The following LRRC4C variants were observed in gnomAD, a reference collection of about 807,000 sequenced individuals.
LRRC4C encodes the protein leucine rich repeat containing 4C.
Under a neutral mutation model 33.6 loss-of-function variants are expected in LRRC4C, and 5 were observed. The observed-to-expected ratio is 0.15, with a 90% CI of 0.08 to 0.31. The LOEUF (loss-of-function observed/expected upper bound fraction) is 0.31. Among genes scored for constraint, LRRC4C ranks in the 10% least tolerant of loss-of-function variants. The pLI is 1.00. For synonymous variants in LRRC4C, 329 were observed against 302.0 expected (o/e 1.09, Z -0.93); for missense variants, 560 against 796.7 (o/e 0.70, Z 3.58).
intron 3 of LRRC4C, among the ~76,000 whole-genome samples, chr11:40,590,538 G>T (rs932890304): frequency 3.9e-4 from 60 of 152,126 alleles, no homozygotes; most frequent in Non-Finnish European, 7.9e-4. Context: ...TGTTCCTTTG[G>T]AAGAGGAGAG....
intron 3 of LRRC4C, among the ~76,000 whole-genome samples, chr11:40,541,416 A>T (rs1233891785): frequency 6.6e-6 from 1 of 152,124 alleles, no homozygotes; most frequent in East Asian, 1.9e-4. Flanking sequence ...TGTTTTTAAT[A>T]TGTGGTTCTT....
intron 3 of LRRC4C, among the ~76,000 whole-genome samples, chr11:40,547,888 T>C (rs1295216786): frequency 1.3e-5 from 2 of 152,116 alleles, no homozygotes; most frequent in Non-Finnish European, 2.9e-5. Flanking sequence ...CAAACATTTA[T>C]TGAGCATCTA....
At chr11:41,015,948 C>T (rs1403167491) in intron 1 of LRRC4C, among the ~76,000 whole-genome samples, 2 of 152,086 alleles carry the variant, frequency 1.3e-5, no homozygotes, top group African/African-American at 4.8e-5. Flanking sequence ...CGAGATCGCG[C>T]CACTGCACTC....
chr11:40,357,318 G>A (rs1947715608), intron 3 of LRRC4C, among the ~76,000 whole-genome samples: 1 of 152,126 alleles, frequency 6.6e-6, no homozygotes, highest in Non-Finnish European at 1.5e-5. Context: ...GAGGAGAACA[G>A]GGGCGTGCTT....
At chr11:41,277,288 G>T (rs552693382) in intron 1 of LRRC4C, among the ~76,000 whole-genome samples, 241 of 152,190 alleles carry the variant, frequency 1.6e-3, no homozygotes, top group African/African-American at 5.7e-3. Flanking sequence ...TCATTCAGGT[G>T]AATTTTCCAT....
rs190311176 is a variant in LRRC4C at position 40,349,799 on chromosome 11, C to T, written c.-269-30078G>A. ...ATGAGATGATACCTCATTGTAATTT[C>T]GATTTGCATTTCTCTGATGATCAAT... On this transcript the variant is annotated intron_variant, in intron 3 of 6. Transcript: ENST00000528697. Among the ~76,000 whole-genome samples, 784 of 152,102 alleles carry T rather than the reference C, an allele frequency of 5.2e-3. 6 individuals carry two copies. Among genetic ancestry groups the T allele is most frequent in the African/African-American group, 0.018 (756 of 41,534 alleles).
chr11:41,270,842 C>T (rs769405269), intron 1 of LRRC4C, among the ~76,000 whole-genome samples: 5 of 152,054 alleles, frequency 3.3e-5, no homozygotes, highest in Non-Finnish European at 5.9e-5. Context: ...TCTAAAATCA[C>T]GAGGTTGGCA....
At chr11:41,457,718 T>C (rs1956213683) in intron 1 of LRRC4C, among the ~76,000 whole-genome samples, 1 of 152,110 alleles carries the variant, frequency 6.6e-6, no homozygotes. Flanking sequence ...ATCATTGACA[T>C]GAAAGACATA....
At chr11:40,290,087 C>T (rs553218306) in intron 4 of LRRC4C, among the ~76,000 whole-genome samples, 1 of 152,202 alleles carries the variant, frequency 6.6e-6, no homozygotes, top group Non-Finnish European at 1.5e-5. Flanking sequence ...AATTGGCAGA[C>T]CCAACCTAGT....
At chr11:40,951,593 A>G (rs1204277106) in intron 1 of LRRC4C, among the ~76,000 whole-genome samples, 2 of 152,000 alleles carry the variant, frequency 1.3e-5, no homozygotes, top group African/African-American at 4.8e-5. Flanking sequence ...TTGGCACTTA[A>G]ATATTCTAAT....
At chr11:40,786,464 T>C (rs1354231773) in intron 2 of LRRC4C, among the ~76,000 whole-genome samples, 1 of 152,196 alleles carries the variant, frequency 6.6e-6, no homozygotes, top group Non-Finnish European at 1.5e-5. Flanking sequence ...AGCTGATGCT[T>C]GAAGTCCCTG....
chr11:41,433,295 A>G (rs1204134059), intron 1 of LRRC4C, among the ~76,000 whole-genome samples: 1 of 152,192 alleles, frequency 6.6e-6, no homozygotes, highest in Non-Finnish European at 1.5e-5. Flanking sequence ...CTTTCCCTCT[A>G]TAATTTTAAT....
At chr11:41,339,830 C>G (rs947049669) in intron 1 of LRRC4C, among the ~76,000 whole-genome samples, 1 of 152,068 alleles carries the variant, frequency 6.6e-6, no homozygotes, top group African/African-American at 2.4e-5. Context: ...TTACAGATAA[C>G]ATCAGAAGAT....
intron 2 of LRRC4C, among the ~76,000 whole-genome samples, chr11:40,841,192 G>C (rs1409916975): frequency 6.6e-6 from 1 of 152,102 alleles, no homozygotes; most frequent in Non-Finnish European, 1.5e-5. Flanking sequence ...TAAGGAAATG[G>C]AGTAATCTTC....
chr11:41,310,616 C>T (rs1375791457), intron 1 of LRRC4C, among the ~76,000 whole-genome samples: 1 of 152,152 alleles, frequency 6.6e-6, no homozygotes, highest in African/African-American at 2.4e-5. Flanking sequence ...TGGCTCTTAA[C>T]AAGTAATCAA....
chr11:41,201,632 T>C (rs1334630589), intron 1 of LRRC4C, among the ~76,000 whole-genome samples: 2 of 152,188 alleles, frequency 1.3e-5, no homozygotes, highest in East Asian at 3.9e-4. Flanking sequence ...ACCAAATATC[T>C]GCCTGTTTAC....
At chr11:41,239,045 G>A (rs1463930687) in intron 1 of LRRC4C, among the ~76,000 whole-genome samples, 1 of 151,172 alleles carries the variant, frequency 6.6e-6, no homozygotes, top group African/African-American at 2.4e-5. Flanking sequence ...GCCGGGCACG[G>A]TGTCTCACGT....
chr11:41,415,726 A>G (rs1353675124), intron 1 of LRRC4C, among the ~76,000 whole-genome samples: 1 of 152,120 alleles, frequency 6.6e-6, no homozygotes, highest in Non-Finnish European at 1.5e-5. Context: ...TAGATGGATG[A>G]TATCTAAATT....
At chr11:41,138,227 G>A (rs2135888391) in intron 1 of LRRC4C, among the ~76,000 whole-genome samples, 1 of 152,330 alleles carries the variant, frequency 6.6e-6, no homozygotes, top group East Asian at 1.9e-4. Context: ...GTGAATAAAG[G>A]TATACTTTCA....
Sources: allele counts gnomAD v4.1 joint callset (sites outside exome capture counted in the v4.1 genomes callset), GRCh38; gene constraint gnomAD v4.1.1; transcripts MANE v1.5; gene names NCBI Gene and HGNC (gene_info 2026-07-23, HGNC 2026-07-21).